SRA1: variants seen among roughly 807,000 people sequenced by gnomAD.
The protein encoded by SRA1 is steroid receptor RNA activator 1.
A neutral mutation model predicts 24.3 loss-of-function variants in SRA1; 25 were observed. The observed-to-expected ratio is 1.03, with a 90% confidence interval of 0.75 to 1.43. SRA1 has a LOEUF of 1.43. Ranked by LOEUF, SRA1 falls within the 40% of genes most tolerant of loss-of-function variation. The probability of loss-of-function intolerance (pLI) is 0.00; values close to 1 mark genes in which losing one functional copy is unlikely to be tolerated. For missense variants in SRA1, 303 were observed against 286.6 expected, an observed-to-expected ratio of 1.06 and a Z score of -0.41; for synonymous variants, 104 against 109.5, an observed-to-expected ratio of 0.95 and a Z score of 0.31.
chr5:140,557,556 T>C (rs777414983), upstream of SRA1: 15 of 1,375,460 alleles, frequency 1.1e-5, no homozygotes, highest in Admixed American at 2.8e-4. Flanking sequence ...CCGGAATCCG[T>C]GGAGGATGGA....
chr5:140,550,719 C>T lies in SRA1; in HGVS notation c.656G>A (p.Gly219Asp). The change falls in exon 5 of 5, where the codon GGC becomes GAC. Residue 219 changes from glycine to aspartate, a missense_variant. Coordinates refer to ENST00000336283, the MANE Select transcript of SRA1 (RefSeq NM_001035235.4). The stretch of plus-strand genomic sequence containing the variant: ...CGAGGATTATGAAGCCTGCTGGAAG[C>T]CTGGTATGGTATGGTTCTTCTCAGC... ...ATAEKNHTIP[G>D]FQQAS The T allele has an allele frequency of 6.2e-7, 1 of 1,614,038 alleles. No individual in the cohort carries two copies. The highest frequency in any genetic ancestry group is 1.1e-5 in the South Asian group (1 of 91,070).
Position 140,550,881 on chromosome 5 carries a change from T to C in SRA1, c.494A>G (p.Asp165Gly), listed in dbSNP as rs762818508. The change falls in exon 5 of 5, where the codon GAT (aspartate) becomes GGT (glycine). Residue 165 changes from aspartate (D) to glycine (G), a missense_variant. By Grantham distance (94) the Asp-to-Gly change is moderately conservative. Transcript: ENST00000336283. ...AACCATGAGGGAGCGGTGGATGTCA[T>C]CTGCTGCGTCCCACCGGTGGCTTGA... ...ELSSHRWDAA[D>G]DIHRSLMVDH... 2 of 1,614,182 alleles carry C rather than the reference T, an allele frequency of 1.2e-6. No homozygotes were observed. The highest frequency in any genetic ancestry group is 2.2e-5 in the East Asian group (1 of 44,890).
chr5:140,557,408 A>T lies in SRA1; in HGVS notation c.25+20T>A, dbSNP rs771381111. On this transcript the variant is annotated intron_variant, in intron 1 of 4. Transcript: ENST00000336283. Reference sequence around the variant, plus strand: ...GGCCGGGGCGACAACCTAGTGCCCTAGCCCGCCGGCTGCGCTCACCCGGCT... The same window carrying T: ...GGCCGGGGCGACAACCTAGTGCCCTTGCCCGCCGGCTGCGCTCACCCGGCT... The T allele has an allele frequency of 6.3e-7, 1 of 1,586,200 alleles. No individual in the cohort carries two copies. The highest frequency in any genetic ancestry group is 1.8e-5 in the Admixed American group (1 of 55,630).
chr5:140,551,143 T>G lies in SRA1; in HGVS notation c.381A>C (p.Arg127=), dbSNP rs1036719553. 1.2e-6 allele frequency: 2 copies of G among 1,614,180 alleles called. No individual in the cohort carries two copies. The highest frequency in any genetic ancestry group is 3.3e-5 in the Admixed American group (2 of 60,016). ...TRKQVCDDIS[R]RLALLQEQWA... is the part of the protein sequence containing the mutation. ...ACTGTTCCTGCAGCAGTGCCAGGCG[T>G]CGGCTGATGTCATCACATACCTGCT... The change falls in exon 4 of 5, where the codon CGA becomes CGC. Residue 127 remains arginine (R), a synonymous_variant. Coordinates refer to ENST00000336283, the MANE Select transcript of SRA1 (RefSeq NM_001035235.4).
chr5:140,557,736 A>C, upstream of SRA1: 1 of 542,776 alleles, frequency 1.8e-6, no homozygotes, highest in Non-Finnish European at 3.2e-6. Context: ...GCAAATTCAA[A>C]CAAAGAAGCT....
Position 140,552,781 on chromosome 5 carries a change from G to A in SRA1, c.152-597C>T, listed in dbSNP as rs576499403. ...GCTCAGGAGTTCAAAACCAGCCTACGCAATATAGTGAGACCTCATCTCTAT... is the reference window on the plus strand; with the variant it reads ...GCTCAGGAGTTCAAAACCAGCCTACACAATATAGTGAGACCTCATCTCTAT... On this transcript the variant is annotated intron_variant, in intron 2 of 4. Coordinates refer to ENST00000336283, the MANE Select transcript of SRA1 (RefSeq NM_001035235.4). Among the ~76,000 whole-genome samples the A allele has an allele frequency of 3.9e-5, 6 of 152,096 alleles. No individual in the cohort carries two copies. The East Asian group carries it at 7.7e-4, about 20-fold the overall frequency.
chr5:140,550,836 C>A lies in SRA1; in HGVS notation c.539G>T (p.Ser180Ile), dbSNP rs550009373. Reference sequence around the variant, plus strand: ...TCTTTTAACTCCTACCATCCACTGACTGACCTCAGTCACATGGTCAACCAT... The same window carrying A: ...TCTTTTAACTCCTACCATCCACTGAATGACCTCAGTCACATGGTCAACCAT... Reference protein sequence around the residue: ...SLMVDHVTEVSQWMVGVKRLI... With the variant: ...SLMVDHVTEVIQWMVGVKRLI... The change falls in exon 5 of 5, where the codon AGT becomes ATT. Residue 180 changes from serine to isoleucine, a missense_variant. By Grantham distance (142) the Ser-to-Ile change is moderately radical (BLOSUM62 -2). Coordinates refer to ENST00000336283, the MANE Select transcript of SRA1 (RefSeq NM_001035235.4). 1 of 1,614,208 alleles carries A rather than the reference C, an allele frequency of 6.2e-7. No individual in the cohort carries two copies. The highest frequency in any genetic ancestry group is 1.7e-5 in the Admixed American group (1 of 60,030).
intron 3 of SRA1, chr5:140,551,414 C>T: frequency 2.2e-6 from 1 of 446,764 alleles, no homozygotes; most frequent in Non-Finnish European, 4.0e-6. Flanking sequence ...ATTCTCTCAT[C>T]TTCCCACCAC....
upstream of SRA1, chr5:140,557,608 G>C: frequency 1.2e-6 from 1 of 817,376 alleles, no homozygotes; most frequent in Non-Finnish European, 1.9e-6. Flanking sequence ...GGGACCCTGC[G>C]GCAACTCCCT....
intron 3 of SRA1, 183 bp downstream of exon 3, chr5:140,551,796 CTTA>C (rs1754568095): frequency 1.8e-6 from 1 of 545,830 alleles, no homozygotes; most frequent in South Asian, 2.7e-5. Flanking sequence ...CTTCAAAAGT[CTTA>C]TTAATGCTCC....
At chr5:140,556,922 T>C (rs1754720176) in intron 2 of SRA1, among the ~76,000 whole-genome samples, 1 of 152,144 alleles carries the variant, frequency 6.6e-6, no homozygotes, top group Admixed American at 6.5e-5. Flanking sequence ...GATAAGATCA[T>C]CTAGGATGAA....
In SRA1 at chr5:140,557,254, C is replaced by T; in HGVS notation, c.44G>A (p.Trp15Ter). 3.1e-6 allele frequency: 5 copies of T among 1,612,216 alleles called. No individual in the cohort carries two copies. Among genetic ancestry groups the T allele is most frequent in the Non-Finnish European group, 4.2e-6 (5 of 1,179,966 alleles). The change falls in exon 2 of 5, where the codon TGG becomes TAG. Residue 15 changes from tryptophan (W) to a stop codon, truncating the protein, a stop_gained. Coordinates refer to ENST00000336283, the MANE Select transcript of SRA1 (RefSeq NM_001035235.4). LOFTEE classifies it high-confidence loss of function. The stretch of plus-strand genomic sequence containing the variant: ...GTATGAGAACTGCGGCGGGTCGTTC[C>T]AGCCGCGTTCCTTGTTGCCTGCGGA... ...YVKPGNKERG[W>*]NDPPQFSYGL...
At position 140,550,851 on chromosome 5, in the gene SRA1, T is replaced by G; in HGVS notation, c.524A>C (p.His175Pro). 1 of 1,614,174 alleles carries G rather than the reference T, an allele frequency of 6.2e-7. No homozygotes were observed. ...DDIHRSLMVD[H>P]VTEVSQWMVG... ...CATCCACTGACTGACCTCAGTCACA[T>G]GGTCAACCATGAGGGAGCGGTGGAT... The change falls in exon 5 of 5, where the codon CAT becomes CCT. Residue 175 changes from histidine to proline, a missense_variant. Coordinates refer to ENST00000336283, the MANE Select transcript of SRA1 (RefSeq NM_001035235.4).
rs1489399308 is a variant in SRA1 at position 140,557,279 on chromosome 5, A to T, written c.26-7T>A. On this transcript the variant is annotated splice_polypyrimidine_tract_variant and splice_region_variant and intron_variant, in intron 1 of 4. Transcript: ENST00000336283. ...CAGCCGCGTTCCTTGTTGCCTGCGG[A>T]GGCGAGGGATGTGTGAAGCGAGCCC... The T allele has an allele frequency of 1.2e-6, 2 of 1,610,268 alleles. No individual in the cohort carries two copies. Among genetic ancestry groups the T allele is most frequent in the Non-Finnish European group, 8.5e-7 (1 of 1,179,880 alleles).
chr5:140,557,119 T>C, intron 2 of SRA1, 28 bp downstream of exon 2: 1 of 1,268,300 alleles, frequency 7.9e-7, no homozygotes, highest in Non-Finnish European at 1.1e-6. Flanking sequence ...ATTCTCCGTC[T>C]GTCTCCGAGC....
At chr5:140,556,837 G>A (rs987897820) in intron 2 of SRA1, among the ~76,000 whole-genome samples, 7 of 152,016 alleles carry the variant, frequency 4.6e-5, no homozygotes, top group Non-Finnish European at 1.0e-4. Flanking sequence ...GCCACTATAC[G>A]GTTCTGGCAA....
At position 140,552,008 on chromosome 5, in the gene SRA1, A is replaced by G. The variant is rs1754572486; in HGVS notation, c.328T>C (p.Leu110=). ...EDVLRPLEQA[L]EDCRGHTRKQ... Reference sequence around the variant, plus strand: ...CTTGTGTGGCCACGGCAGTCTTCCAATGCCTGTTCCAAAGGTCTCAGCACA... The same window carrying G: ...CTTGTGTGGCCACGGCAGTCTTCCAGTGCCTGTTCCAAAGGTCTCAGCACA... The change falls in exon 3 of 5, where the codon TTG becomes CTG. Residue 110 remains leucine, a synonymous_variant. Coordinates refer to ENST00000336283, the MANE Select transcript of SRA1 (RefSeq NM_001035235.4). 5.0e-6 allele frequency: 8 copies of G among 1,613,178 alleles called. No individual in the cohort carries two copies. Among genetic ancestry groups the G allele is most frequent in the African/African-American group, 1.3e-5 (1 of 74,776 alleles).
At chr5:140,557,506 ACG>A, upstream of SRA1, 8 of 1,536,370 alleles carry the variant, frequency 5.2e-6, no homozygotes, top group Non-Finnish European at 7.0e-6. Context: ...GCGGCCCCTC[ACG>A]CGGGCCAGTT....
Position 140,550,794 on chromosome 5 carries a change from C to A in SRA1, c.581G>T (p.Arg194Met), listed in dbSNP as rs148927164. The A allele has an allele frequency of 5.8e-5, 94 of 1,614,038 alleles. No individual in the cohort carries two copies. The highest frequency in any genetic ancestry group is 7.5e-5 in the Non-Finnish European group (89 of 1,180,032). ...GGCTGCCTCCTCTGAAAACAGACTC[C>A]TCTTTTCTGCAATTAATCTTTTAAC... ...VGVKRLIAEK[R>M]SLFSEEAANE... Residue 194 changes from arginine (R) to methionine (M), a missense_variant, in exon 5 of 5, where the codon AGG becomes ATG. Arg to Met is a moderately conservative substitution (Grantham distance 91, BLOSUM62 -1). Transcript: ENST00000336283.
Sources: gnomAD v4.1 joint callset for allele counts (sites outside exome capture counted in the v4.1 genomes callset) on GRCh38, gnomAD v4.1.1 for gene constraint, MANE v1.5 for transcripts, NCBI Gene and HGNC (gene_info 2026-07-23, HGNC 2026-07-21) for gene names.